The following DTL variants were observed in gnomAD, a reference collection of about 807,000 sequenced individuals.
DTL encodes denticleless E3 ubiquitin protein ligase adapter.
DTL carries 46 observed loss-of-function variants against 87.0 expected under a neutral mutation model. That is an observed-to-expected ratio of 0.53 (90% CI 0.42 to 0.68). DTL has a LOEUF of 0.68. Ranked by LOEUF, DTL falls within the 30% of genes least tolerant of loss-of-function variation. The probability of loss-of-function intolerance (pLI) is 0.00; values close to 1 mark genes in which losing one functional copy is unlikely to be tolerated. For synonymous variants in DTL, 308 were observed against 311.2 expected (o/e 0.99, Z 0.11); for missense variants, 737 against 869.4 (o/e 0.85, Z 1.91).
At chr1:212,062,785 A>T in intron 5 of DTL, 99 bp from the exon 6 acceptor site, 1 of 881,492 alleles carries the variant, frequency 1.1e-6, no homozygotes, top group Non-Finnish European at 1.9e-6. Context: ...CAGATACAGT[A>T]CCTAGCACAT....
intron 1 of DTL, among the ~76,000 whole-genome samples, chr1:212,041,863 T>A (rs1380235198): frequency 6.6e-6 from 1 of 152,176 alleles, no homozygotes; most frequent in Non-Finnish European, 1.5e-5. Context: ...TATGTGATGC[T>A]GAAATTATGA....
At chr1:212,062,261 G>A (rs958520775) in intron 5 of DTL, among the ~76,000 whole-genome samples, 1 of 152,180 alleles carries the variant, frequency 6.6e-6, no homozygotes, top group Admixed American at 6.5e-5. Context: ...CACACAGGAA[G>A]CAGGGTTTTT....
chr1:212,074,038 T>C (rs1209885071), intron 11 of DTL, among the ~76,000 whole-genome samples: 1 of 151,984 alleles, frequency 6.6e-6, no homozygotes, highest in Non-Finnish European at 1.5e-5. Flanking sequence ...TTTTAAGGTT[T>C]GTTTCTTGTT....
At chr1:212,047,642 T>C (rs1328734550) in intron 5 of DTL, among the ~76,000 whole-genome samples, 2 of 152,144 alleles carry the variant, frequency 1.3e-5, no homozygotes, top group African/African-American at 4.8e-5. Context: ...TTCAAGTGAT[T>C]CTCCTGCGTC....
At chr1:212,076,494 C>T (rs1654834450) in intron 11 of DTL, among the ~76,000 whole-genome samples, 1 of 151,956 alleles carries the variant, frequency 6.6e-6, no homozygotes, top group African/African-American at 2.4e-5. Flanking sequence ...CCTTGGTGTA[C>T]ACATTTAGGT....
intron 7 of DTL, among the ~76,000 whole-genome samples, chr1:212,065,688 G>C (rs900828581): frequency 6.6e-6 from 1 of 152,112 alleles, no homozygotes; most frequent in Non-Finnish European, 1.5e-5. Context: ...TGTTGTTTTC[G>C]TAATACAAAC....
At chr1:212,078,089 C>A in intron 11 of DTL, 84 bp from the exon 12 acceptor site, 1 of 841,588 alleles carries the variant, frequency 1.2e-6, no homozygotes, top group South Asian at 1.5e-5. Context: ...CTAAAGCTCT[C>A]TAAGACACAC....
At chr1:212,073,993 A>G (rs1040305456) in intron 11 of DTL, among the ~76,000 whole-genome samples, 2 of 151,858 alleles carry the variant, frequency 1.3e-5, no homozygotes, top group African/African-American at 2.4e-5. Flanking sequence ...TCCCAACTTA[A>G]CTAGAGGATT....
intron 13 of DTL, among the ~76,000 whole-genome samples, chr1:212,095,982 G>A (rs1401687259): frequency 6.6e-6 from 1 of 151,756 alleles, no homozygotes; most frequent in Non-Finnish European, 1.5e-5. Flanking sequence ...GAATTCAGCA[G>A]TGAATCCATC....
At position 212,050,934 on chromosome 1, in the gene DTL, C is replaced by G. The variant is rs530047842; in HGVS notation, c.460+3517C>G. Among the ~76,000 whole-genome samples, 4 of 152,116 alleles carry G rather than the reference C, an allele frequency of 2.6e-5. No homozygotes were observed. The South Asian group carries it at 8.3e-4, about 32-fold the overall frequency. On this transcript the variant is annotated intron_variant, in intron 5 of 14. Coordinates refer to ENST00000366991, the MANE Select transcript of DTL (RefSeq NM_016448.4). Reference sequence around the variant, plus strand: ...TTTCTTCTGCTTGTATAATATGTTACACTTTTGGTCTTTTATAGAATTTCA... The same window carrying G: ...TTTCTTCTGCTTGTATAATATGTTAGACTTTTGGTCTTTTATAGAATTTCA...
At chr1:212,102,530 GC>G (rs1325728786) in intron 14 of DTL, among the ~76,000 whole-genome samples, 6 of 152,054 alleles carry the variant, frequency 3.9e-5, no homozygotes, top group African/African-American at 1.4e-4. Flanking sequence ...AATTGGGGGG[GC>G]TGATTTATTC....
intron 2 of DTL, 150 bp from the exon 3 acceptor site, chr1:212,044,510 A>G (rs1667750677): frequency 1.9e-6 from 1 of 526,204 alleles, no homozygotes; most frequent in African/African-American, 2.0e-5. Context: ...ATGCTGAGGC[A>G]GGAGAATCAC....
intron 5 of DTL, among the ~76,000 whole-genome samples, chr1:212,055,764 C>G (rs1178378216): frequency 6.6e-6 from 1 of 152,226 alleles, no homozygotes; most frequent in African/African-American, 2.4e-5. Flanking sequence ...CCCCTGCCTT[C>G]CATAGCCAGC....
rs187307259 is a variant in DTL at position 212,039,831 on chromosome 1, A to G, written c.53-3162A>G. ...AAAAATAGGATATAAAAGATAAAAA[A>G]TGGTAACACCTGTGGAGGGTGCTTA... On this transcript the variant is annotated intron_variant, in intron 1 of 14. Coordinates refer to ENST00000366991, the MANE Select transcript of DTL (RefSeq NM_016448.4). Among the ~76,000 whole-genome samples the G allele has an allele frequency of 5.2e-3, 795 of 152,348 alleles. 3 individuals carry two copies. The highest frequency in any genetic ancestry group is 8.5e-3 in the Non-Finnish European group (576 of 68,022).
chr1:212,054,107 T>C (rs1350686032), intron 5 of DTL, among the ~76,000 whole-genome samples: 2 of 152,144 alleles, frequency 1.3e-5, no homozygotes, highest in Non-Finnish European at 2.9e-5. Flanking sequence ...CAGTGGATCT[T>C]ATCTCAATTA....
intron 13 of DTL, chr1:212,099,542 A>G (rs996305615): frequency 2.6e-5 from 4 of 152,498 alleles, no homozygotes; most frequent in African/African-American, 9.7e-5. Flanking sequence ...CCACCCTCTC[A>G]CACTTTGGAC....
chr1:212,069,811 T>C (rs1654618317), intron 10 of DTL, among the ~76,000 whole-genome samples: 1 of 152,192 alleles, frequency 6.6e-6, no homozygotes, highest in Non-Finnish European at 1.5e-5. Flanking sequence ...CCCAAAGTGC[T>C]GGGATTACAG....
chr1:212,036,055 C>A, intron 1 of DTL, 113 bp downstream of exon 1: 1 of 1,011,786 alleles, frequency 9.9e-7, no homozygotes, highest in African/African-American at 1.6e-5. Flanking sequence ...CTGAGTTCTC[C>A]CATGGCAAGG....
rs950315573 is a variant in DTL at position 212,101,043 on chromosome 1, C to T, written c.2053C>T (p.Pro685Ser). 8.1e-6 allele frequency: 13 copies of T among 1,613,054 alleles called. 1 individual carries two copies. Among genetic ancestry groups the T allele is most frequent in the South Asian group, 2.2e-5 (2 of 90,944 alleles). The change falls in exon 14 of 15, where the codon CCC becomes TCC. Residue 685 changes from proline to serine, a missense_variant. Physicochemically the swap from Pro to Ser is moderately conservative, Grantham distance 74 (BLOSUM62 -1). Transcript: ENST00000366991. Reference protein sequence around the residue: ...PSPRSPSSQTPNSRRQSGKKL... With the variant: ...PSPRSPSSQTSNSRRQSGKKL... ...TCCACGAAGTCCGTCATCCCAGACA[C>T]CCAATTCCAGGAGACAGAGCGGAAA...
Sources: allele counts gnomAD v4.1 joint callset (sites outside exome capture counted in the v4.1 genomes callset), GRCh38; gene constraint gnomAD v4.1.1; transcripts MANE v1.5; gene names NCBI Gene and HGNC (gene_info 2026-07-23, HGNC 2026-07-21).